Variants in CNTNAP2 observed in about 807,000 individuals in gnomAD.
The protein encoded by CNTNAP2 is contactin associated protein 2.
A neutral mutation model predicts 155.2 loss-of-function variants in CNTNAP2; 98 were observed. The observed-to-expected ratio is 0.63, with a 90% CI of 0.54 to 0.75. CNTNAP2 has a LOEUF of 0.75. Among genes scored for constraint, CNTNAP2 ranks in the 30% least tolerant of loss-of-function variants. The pLI, the probability that CNTNAP2 is intolerant of heterozygous loss-of-function variation, is 0.00. For synonymous variants in CNTNAP2, 651 were observed against 631.2 expected (o/e 1.03, Z -0.47); for missense variants, 1,727 against 1,688.1 (o/e 1.02, Z -0.40).
At chr7:147,185,393 ATTC>A (rs1461671848) in intron 8 of CNTNAP2, among the ~76,000 whole-genome samples, 1 of 152,190 alleles carries the variant, frequency 6.6e-6, no homozygotes, top group African/African-American at 2.4e-5. Flanking sequence ...TACTAGAGAA[ATTC>A]TTGGATGGAG....
intron 12 of CNTNAP2, among the ~76,000 whole-genome samples, chr7:147,629,561 A>G (rs1479287060): frequency 6.6e-6 from 1 of 152,016 alleles, no homozygotes; most frequent in Non-Finnish European, 1.5e-5. Context: ...ATTCTCCAAG[A>G]TAGACCATAT....
chr7:146,699,042 T>A (rs1224979941), intron 1 of CNTNAP2, among the ~76,000 whole-genome samples: 1 of 152,194 alleles, frequency 6.6e-6, no homozygotes, highest in African/African-American at 2.4e-5. Flanking sequence ...GTTTTTATCA[T>A]TTGAGGTTTT....
chr7:148,030,525 C>T (rs893581462), intron 15 of CNTNAP2, among the ~76,000 whole-genome samples: 2 of 131,170 alleles, frequency 1.5e-5, no homozygotes, highest in South Asian at 5.2e-4. Context: ...AGGAAAGTGT[C>T]ATTAAAAAAG....
chr7:148,188,366 G>A (rs1467163938), intron 18 of CNTNAP2, among the ~76,000 whole-genome samples: 2 of 152,200 alleles, frequency 1.3e-5, no homozygotes, highest in Non-Finnish European at 2.9e-5. Flanking sequence ...CCTGAAGAAG[G>A]AGCATTGAGT....
chr7:146,363,586 G>A (rs955556882), intron 1 of CNTNAP2, among the ~76,000 whole-genome samples: 8 of 152,194 alleles, frequency 5.3e-5, no homozygotes, highest in Admixed American at 5.2e-4. Flanking sequence ...CGAGGAAGAG[G>A]TGGCTGACAT....
At chr7:147,975,718 G>A (rs1801416901) in intron 14 of CNTNAP2, among the ~76,000 whole-genome samples, 2 of 152,008 alleles carry the variant, frequency 1.3e-5, no homozygotes, top group East Asian at 1.9e-4. Flanking sequence ...GATGGTTTCT[G>A]TCCTCTTGCA....
At chr7:147,694,238 A>G (rs1479733892) in intron 13 of CNTNAP2, among the ~76,000 whole-genome samples, 1 of 152,028 alleles carries the variant, frequency 6.6e-6, no homozygotes, top group African/African-American at 2.4e-5. Flanking sequence ...CTTTCTATAC[A>G]TTGCTGGATT....
At chr7:148,233,734 A>G (rs1162259851) in intron 20 of CNTNAP2, among the ~76,000 whole-genome samples, 1 of 152,248 alleles carries the variant, frequency 6.6e-6, no homozygotes, top group African/African-American at 2.4e-5. Context: ...TTTATGAAGT[A>G]TGTGCCATCA....
chr7:147,871,570 C>G (rs941366936), intron 13 of CNTNAP2, among the ~76,000 whole-genome samples: 1 of 152,168 alleles, frequency 6.6e-6, no homozygotes, highest in Non-Finnish European at 1.5e-5. Flanking sequence ...CCACTACAGC[C>G]ATTACAACCG....
intron 3 of CNTNAP2, among the ~76,000 whole-genome samples, chr7:146,990,388 A>T (rs987630130): frequency 3.3e-5 from 5 of 152,158 alleles, no homozygotes; most frequent in African/African-American, 1.2e-4. Flanking sequence ...TGGAGGTCTG[A>T]CTGTATATCT....
At chr7:147,706,292 C>T (rs984300674) in intron 13 of CNTNAP2, among the ~76,000 whole-genome samples, 2 of 151,418 alleles carry the variant, frequency 1.3e-5, no homozygotes, top group African/African-American at 4.9e-5. Context: ...GTGTAGGACT[C>T]CCTTTAGCAT....
chr7:147,797,036 G>C (rs1024594796), intron 13 of CNTNAP2, among the ~76,000 whole-genome samples: 4 of 152,152 alleles, frequency 2.6e-5, no homozygotes, highest in Non-Finnish European at 5.9e-5. Context: ...CTTAAAGTTT[G>C]TGTTTTCAGG....
chr7:147,733,338 G>A (rs1796777835), intron 13 of CNTNAP2, among the ~76,000 whole-genome samples: 1 of 152,128 alleles, frequency 6.6e-6, no homozygotes, highest in Non-Finnish European at 1.5e-5. Flanking sequence ...GTAGATGTGT[G>A]GTATTATTTC....
intron 1 of CNTNAP2, among the ~76,000 whole-genome samples, chr7:146,472,114 G>A (rs6968491): frequency 0.19 from 28,980 of 152,064 alleles, 4,049 homozygotes; most frequent in African/African-American, 0.4. Flanking sequence ...CAAATGCACC[G>A]TTACATAGGC....
At chr7:146,479,938 A>C (rs10273873) in intron 1 of CNTNAP2, among the ~76,000 whole-genome samples, 31,147 of 151,892 alleles carry the variant, frequency 0.21, 4,474 homozygotes, top group African/African-American at 0.41. Context: ...GCGCCCGCCA[A>C]CACGCCCGGC....
intron 1 of CNTNAP2, among the ~76,000 whole-genome samples, chr7:146,585,302 A>G (rs185470085): frequency 6.6e-6 from 1 of 151,968 alleles, no homozygotes; most frequent in African/African-American, 2.4e-5. Flanking sequence ...TTGTATTTTT[A>G]GTAGAGACCA....
In CNTNAP2 at chr7:147,794,287, T is replaced by A. The variant is rs79056931; in HGVS notation, c.2099-109278T>A. Among the ~76,000 whole-genome samples, 217 of 152,098 alleles carry A rather than the reference T, an allele frequency of 1.4e-3. 7 individuals carry two copies. In the East Asian group the frequency reaches 0.04, roughly 28 times the overall value. ...CCATTAAGTATGATATTAGCTGTGG[T>A]TATTTTCTAGGTGTCCTTCACCAGG... On this transcript the variant is annotated intron_variant, in intron 13 of 23. Transcript: ENST00000361727.
intron 10 of CNTNAP2, among the ~76,000 whole-genome samples, chr7:147,453,217 C>G (rs763541513): frequency 2.6e-5 from 4 of 152,092 alleles, no homozygotes; most frequent in Admixed American, 2.0e-4. Flanking sequence ...TTATACCAAC[C>G]CTTTTCCTCC....
chr7:147,321,326 G>C (rs1194684824), intron 9 of CNTNAP2, among the ~76,000 whole-genome samples: 1 of 152,194 alleles, frequency 6.6e-6, no homozygotes, highest in Non-Finnish European at 1.5e-5. Context: ...TGAAGGTTAT[G>C]AAAGACATCC....
Sources: gnomAD v4.1 joint callset for allele counts (sites outside exome capture counted in the v4.1 genomes callset) on GRCh38, gnomAD v4.1.1 for gene constraint, MANE v1.5 for transcripts, NCBI Gene and HGNC (gene_info 2026-07-23, HGNC 2026-07-21) for gene names.